Variants in PLEKHM2 observed in about 807,000 individuals in gnomAD.
PLEKHM2 encodes the protein pleckstrin homology and RUN domain containing M2.
In PLEKHM2, 77 loss-of-function variants were observed where a neutral mutation model predicts 116.3. The observed-to-expected ratio is 0.66, with a 90% CI of 0.55 to 0.80. PLEKHM2 has a LOEUF of 0.80. Ranked by LOEUF, PLEKHM2 falls within the 30% of genes least tolerant of loss-of-function variation. PLEKHM2 has a pLI of 0.00. For missense variants in PLEKHM2, 1,183 were observed against 1,354.9 expected (o/e 0.87, Z 1.99); for synonymous variants, 562 against 571.0 (o/e 0.98, Z 0.22).
chr1:15,720,221 G>A, intron 6 of PLEKHM2: 2 of 392,200 alleles, frequency 5.1e-6, no homozygotes, highest in Non-Finnish European at 6.9e-6. Flanking sequence ...AGTTTTCTAA[G>A]CAAGGAAGGT....
intron 19 of PLEKHM2, among the ~76,000 whole-genome samples, chr1:15,733,463 C>T (rs1400173362): frequency 2.6e-5 from 4 of 152,244 alleles, no homozygotes; most frequent in African/African-American, 4.8e-5. Context: ...GCTCTAGCCC[C>T]GTGGAAGCCT....
intron 16 of PLEKHM2, 69 bp from the exon 17 acceptor site, chr1:15,731,820 C>A (rs1571074858): frequency 1.4e-6 from 2 of 1,412,866 alleles, no homozygotes; most frequent in Non-Finnish European, 1.9e-6. Context: ...CCCGCACCAA[C>A]CCTGGGGGCT....
chr1:15,728,624 A>T lies in PLEKHM2; in HGVS notation c.1922-45A>T. ...TAAGAAAATGGGGCAGGGGGAGGGA[A>T]AAGAGGCCTGTGGGGATAATAGGCC... On this transcript the variant is annotated intron_variant, in intron 11 of 19. Transcript: ENST00000375799. The surrounding 1 kb of genome is among the most constrained non-coding windows in gnomAD (Gnocchi z 5.9). 1 of 1,525,222 alleles carries T rather than the reference A, an allele frequency of 6.6e-7. No homozygotes were observed. Among genetic ancestry groups the T allele is most frequent in the South Asian group, 1.2e-5 (1 of 85,728 alleles). 94.5% of individuals were successfully genotyped at this position (1,525,222 alleles called of 1,614,324 possible).
At position 15,726,898 on chromosome 1, in the gene PLEKHM2, G is replaced by A. The variant is rs1436195125; in HGVS notation, c.942-116G>A. The A allele has an allele frequency of 2.9e-5, 19 of 648,676 alleles. No homozygotes were observed. In the Middle Eastern group the frequency reaches 1.3e-3, roughly 43 times the overall value. The allele number at this position is 648,676 out of a possible 1,614,324, so 40.2% of individuals were successfully genotyped here. A position where few individuals can be genotyped will look rare whatever the true frequency, so the allele number is the denominator to read the frequency against. The stretch of plus-strand genomic sequence containing the variant: ...CCCAGCACTGCCTAGGACCACTGAC[G>A]CACTAGCTGTGCCCTCAGAGGCTAC... On this transcript the variant is annotated intron_variant, in intron 8 of 19. Transcript: ENST00000375799.
intron 1 of PLEKHM2, among the ~76,000 whole-genome samples, chr1:15,700,237 G>C (rs950330459): frequency 1.3e-5 from 2 of 152,020 alleles, no homozygotes; most frequent in African/African-American, 2.4e-5. Context: ...GTTTTGTTTT[G>C]TTTTTTTAAT....
chr1:15,732,216 G>T, intron 17 of PLEKHM2, 134 bp from the exon 18 acceptor site: 1 of 953,818 alleles, frequency 1.0e-6, no homozygotes, highest in Non-Finnish European at 1.6e-6. Context: ...CCCCATCCCC[G>T]CCTCTGCTCC....
At chr1:15,732,937 C>T (rs1289292171) in intron 19 of PLEKHM2, among the ~76,000 whole-genome samples, 5 of 152,366 alleles carry the variant, frequency 3.3e-5, no homozygotes, top group Middle Eastern at 3.4e-3. Flanking sequence ...CTGTCCTTGC[C>T]GTCTCTTGCT....
At chr1:15,688,717 A>T (rs985947700) in intron 1 of PLEKHM2, among the ~76,000 whole-genome samples, 1 of 151,796 alleles carries the variant, frequency 6.6e-6, no homozygotes, top group Non-Finnish European at 1.5e-5. Context: ...CTAGAAAGGG[A>T]GCTAGTAGCA....
intron 1 of PLEKHM2, among the ~76,000 whole-genome samples, chr1:15,690,059 GTT>G (rs769556510): frequency 7.3e-6 from 1 of 137,176 alleles, no homozygotes. Context: ...CCCAGCCGAG[GTT>G]TTTTTTTTTT....
At chr1:15,686,642 G>A (rs544435759) in intron 1 of PLEKHM2, among the ~76,000 whole-genome samples, 7 of 133,022 alleles carry the variant, frequency 5.3e-5, no homozygotes, top group East Asian at 2.0e-4. Context: ...CACCACACCC[G>A]GCTAAATTTT....
At chr1:15,725,270 C>T in intron 7 of PLEKHM2, 47 bp from the exon 8 acceptor site, 5 of 1,436,564 alleles carry the variant, frequency 3.5e-6, no homozygotes, top group Non-Finnish European at 3.8e-6. Flanking sequence ...GGTCGGGGAC[C>T]CCGGGGGGTG....
intron 1 of PLEKHM2, among the ~76,000 whole-genome samples, chr1:15,715,246 T>C (rs974504261): frequency 5.3e-5 from 8 of 152,200 alleles, no homozygotes; most frequent in African/African-American, 1.7e-4. Context: ...GTGGGGCCAC[T>C]GTGATATGAA....
chr1:15,703,504 G>A (rs1166062984), intron 1 of PLEKHM2, among the ~76,000 whole-genome samples: 1 of 152,192 alleles, frequency 6.6e-6, no homozygotes, highest in African/African-American at 2.4e-5. Flanking sequence ...CTTGTCTGAC[G>A]AGGGAGAAAG....
chr1:15,716,513 A>G (rs1391185397), intron 2 of PLEKHM2, among the ~76,000 whole-genome samples, 170 bp downstream of exon 2: 1 of 152,196 alleles, frequency 6.6e-6, no homozygotes, highest in Non-Finnish European at 1.5e-5. Flanking sequence ...CCAGTAAATC[A>G]TCTCTGGGCA....
intron 1 of PLEKHM2, among the ~76,000 whole-genome samples, chr1:15,687,803 C>G (rs1339239051): frequency 6.6e-6 from 1 of 152,178 alleles, no homozygotes; most frequent in East Asian, 1.9e-4. Flanking sequence ...CCAGTCTCAC[C>G]TAAATGTGTT....
Position 15,716,220 on chromosome 1 carries a change from G to GTT in PLEKHM2, c.61-9_61-8dup. On this transcript the variant is annotated splice_polypyrimidine_tract_variant and intron_variant, in intron 1 of 19. Transcript: ENST00000375799. ...CTTAATCCATTTCTGATTTGGAGGT[G>GTT]TTTTTTTTTCTTTCAGTTGCAGAGC... 6.5e-6 allele frequency: 9 copies of GTT among 1,382,980 alleles called. No individual in the cohort carries two copies. The highest frequency in any genetic ancestry group is 9.0e-6 in the Non-Finnish European group (9 of 1,003,876). The allele number at this position is 1,382,980 out of a possible 1,614,324, so 85.7% of individuals were successfully genotyped here. A position where few individuals can be genotyped will look rare whatever the true frequency, so the allele number is the denominator to read the frequency against.
At chr1:15,718,996 G>C (rs1259938592) in intron 5 of PLEKHM2, among the ~76,000 whole-genome samples, 5 of 152,152 alleles carry the variant, frequency 3.3e-5, no homozygotes, top group African/African-American at 1.2e-4. Context: ...AGTGTCATCA[G>C]CTCCATGAAG....
intron 14 of PLEKHM2, 113 bp from the exon 15 acceptor site, chr1:15,730,419 G>A: frequency 1.2e-6 from 1 of 819,188 alleles, no homozygotes; most frequent in Non-Finnish European, 1.8e-6. Flanking sequence ...TCCAGCCTGG[G>A]CGACAGAGCG....
chr1:15,685,506 T>G (rs1233154444), intron 1 of PLEKHM2, among the ~76,000 whole-genome samples: 1 of 148,898 alleles, frequency 6.7e-6, no homozygotes, highest in African/African-American at 2.5e-5. Flanking sequence ...TTTGTGTAAT[T>G]TGAATTCCTG....
Sources: allele counts gnomAD v4.1 joint callset (sites outside exome capture counted in the v4.1 genomes callset), GRCh38; gene constraint gnomAD v4.1.1; non-coding constraint Gnocchi (gnomAD v3.1); transcripts MANE v1.5; gene names NCBI Gene and HGNC (gene_info 2026-07-23, HGNC 2026-07-21).